The following TEAD1 variants were observed in gnomAD, a reference collection of about 807,000 sequenced individuals.
The protein encoded by TEAD1 is TEA domain transcription factor 1.
TEAD1 carries 9 observed loss-of-function variants against 54.9 expected under a neutral mutation model. That is an observed-to-expected ratio of 0.16 (90% confidence interval 0.10 to 0.29). The LOEUF is 0.29. Among genes scored for constraint, TEAD1 ranks in the 10% least tolerant of loss-of-function variants. The pLI is 1.00. For missense variants in TEAD1, 387 were observed against 535.9 expected (o/e 0.72, Z 2.74); for synonymous variants, 200 against 187.8 (o/e 1.07, Z -0.53).
At chr11:12,820,533 G>A (rs1021556363) in intron 3 of TEAD1, among the ~76,000 whole-genome samples, 7 of 152,122 alleles carry the variant, frequency 4.6e-5, no homozygotes, top group African/African-American at 7.2e-5. Context: ...AGTTGTCTAC[G>A]TTGGTGATGA....
chr11:12,935,705 G>T (rs1403581906), intron 12 of TEAD1, among the ~76,000 whole-genome samples: 1 of 152,056 alleles, frequency 6.6e-6, no homozygotes, highest in Non-Finnish European at 1.5e-5. Flanking sequence ...TGATCCACCT[G>T]CATTGGCCTC....
intron 3 of TEAD1, among the ~76,000 whole-genome samples, chr11:12,815,044 G>C (rs1292854828): frequency 6.6e-6 from 1 of 152,174 alleles, no homozygotes; most frequent in African/African-American, 2.4e-5. Context: ...CTGCTGATAA[G>C]CCTCAGTTGA....
chr11:12,859,600 T>C (rs1947459457), intron 3 of TEAD1, among the ~76,000 whole-genome samples: 1 of 152,172 alleles, frequency 6.6e-6, no homozygotes, highest in Admixed American at 6.5e-5. Context: ...ACAGGGGATA[T>C]TGGTAGTTCT....
At chr11:12,935,877 T>C (rs998826430) in intron 12 of TEAD1, among the ~76,000 whole-genome samples, 6 of 152,132 alleles carry the variant, frequency 3.9e-5, no homozygotes, top group Non-Finnish European at 8.8e-5. Flanking sequence ...GAAAAAAAAT[T>C]GTACACGCCA....
At chr11:12,892,919 G>C (rs1948227669) in intron 9 of TEAD1, among the ~76,000 whole-genome samples, 1 of 152,180 alleles carries the variant, frequency 6.6e-6, no homozygotes. Context: ...CAGTAAGCCA[G>C]GTCACCAGCA....
intron 10 of TEAD1, chr11:12,904,951 A>G (rs79584704): frequency 0.017 from 4,418 of 255,224 alleles, 182 homozygotes; most frequent in African/African-American, 0.095. Flanking sequence ...TGGTACATCA[A>G]TAATTTATTT....
chr11:12,708,166 A>C (rs1401156746), intron 2 of TEAD1, among the ~76,000 whole-genome samples: 1 of 150,300 alleles, frequency 6.7e-6, no homozygotes, highest in Non-Finnish European at 1.5e-5. Flanking sequence ...GGTCTTGTTG[A>C]GCCTGTAGCT....
chr11:12,898,806 A>G (rs1011128114), intron 9 of TEAD1, among the ~76,000 whole-genome samples: 1 of 152,210 alleles, frequency 6.6e-6, no homozygotes, highest in Admixed American at 6.5e-5. Context: ...CCCATTGCAC[A>G]TATGAGAAGT....
chr11:12,790,092 A>G (rs1423669059), intron 3 of TEAD1, among the ~76,000 whole-genome samples: 1 of 152,242 alleles, frequency 6.6e-6, no homozygotes, highest in African/African-American at 2.4e-5. Flanking sequence ...GGCTGGGGGA[A>G]AGGCCAGCCA....
chr11:12,915,083 G>C (rs1404458229), intron 10 of TEAD1, among the ~76,000 whole-genome samples: 1 of 152,138 alleles, frequency 6.6e-6, no homozygotes, highest in Admixed American at 6.5e-5. Context: ...TTTCATTTTT[G>C]CAACCAGGTC....
At chr11:12,690,978 T>G (rs889280650) in intron 2 of TEAD1, among the ~76,000 whole-genome samples, 3 of 152,306 alleles carry the variant, frequency 2.0e-5, no homozygotes, top group Admixed American at 2.0e-4. Flanking sequence ...CTGAAACTCC[T>G]GGGCTCAAGC....
At chr11:12,824,460 C>T (rs916378029) in intron 3 of TEAD1, among the ~76,000 whole-genome samples, 3 of 152,236 alleles carry the variant, frequency 2.0e-5, no homozygotes, top group Non-Finnish European at 4.4e-5. Context: ...GGAATCTAAA[C>T]TTTCACCTTT....
At chr11:12,882,491 A>G (rs906467385) in intron 8 of TEAD1, among the ~76,000 whole-genome samples, 4 of 152,292 alleles carry the variant, frequency 2.6e-5, no homozygotes, top group Non-Finnish European at 4.4e-5. Flanking sequence ...GGTGTACAGT[A>G]TAAAAGTCAC....
intron 3 of TEAD1, among the ~76,000 whole-genome samples, chr11:12,799,508 G>GTT (rs963245192): frequency 6.6e-6 from 1 of 152,200 alleles, no homozygotes; most frequent in Non-Finnish European, 1.5e-5. Context: ...GAGTGTGTGT[G>GTT]TGTCAGCGTT....
At chr11:12,760,074 G>C (rs192844314) in intron 2 of TEAD1, among the ~76,000 whole-genome samples, 286 of 152,308 alleles carry the variant, frequency 1.9e-3, no homozygotes, top group African/African-American at 6.4e-3. Context: ...AGACCTTGAA[G>C]AAGAGGTCCT....
chr11:12,931,475 C>T (rs1025703386), intron 12 of TEAD1, among the ~76,000 whole-genome samples: 5 of 152,202 alleles, frequency 3.3e-5, no homozygotes, highest in African/African-American at 1.2e-4. Flanking sequence ...CTTTTTGTTA[C>T]TAGGATTAAG....
intron 4 of TEAD1, among the ~76,000 whole-genome samples, chr11:12,862,727 A>T (rs370332314): frequency 4.6e-5 from 7 of 152,344 alleles, no homozygotes; most frequent in African/African-American, 1.7e-4. Flanking sequence ...CATAATTTCA[A>T]TGAAAAAGTA....
intron 8 of TEAD1, among the ~76,000 whole-genome samples, chr11:12,882,454 G>A (rs1239300243): frequency 6.6e-6 from 1 of 152,144 alleles, no homozygotes; most frequent in African/African-American, 2.4e-5. Flanking sequence ...ACCTGTGTGT[G>A]TAGAATTACT....
chr11:12,778,469 C>T (rs1413364610), intron 3 of TEAD1, among the ~76,000 whole-genome samples: 1 of 152,030 alleles, frequency 6.6e-6, no homozygotes, highest in African/African-American at 2.4e-5. Context: ...CTAATTTTTC[C>T]CTCTCTTATG....
Sources: allele counts gnomAD v4.1 joint callset (sites outside exome capture counted in the v4.1 genomes callset), GRCh38; gene constraint gnomAD v4.1.1; transcripts MANE v1.5; gene names NCBI Gene and HGNC (gene_info 2026-07-23, HGNC 2026-07-21).